Variants in MYCT1 observed in about 807,000 individuals in gnomAD.
MYCT1 encodes MYC target 1.
MYCT1 carries 12 observed loss-of-function variants against 15.0 expected under a neutral mutation model. The observed-to-expected ratio is 0.80, with a 90% confidence interval of 0.51 to 1.29. MYCT1 has a LOEUF of 1.29. Ranked by LOEUF, MYCT1 falls within the 50% of genes most tolerant of loss-of-function variation. The pLI is 0.00. For missense variants in MYCT1, 287 were observed against 279.1 expected (o/e 1.03, Z -0.20); for synonymous variants, 104 against 102.7 (o/e 1.01, Z -0.07).
the MYCT1 span, among the ~76,000 whole-genome samples, chr6:152,738,748 A>G: frequency 1.3e-5 from 2 of 152,146 alleles, no homozygotes; most frequent in East Asian, 1.9e-4. Context: ...ACATTTAGCT[A>G]CCATTTGTTG....
the MYCT1 span, among the ~76,000 whole-genome samples, chr6:152,730,434 G>A: frequency 3.3e-5 from 5 of 152,302 alleles, no homozygotes; most frequent in African/African-American, 4.8e-5. Flanking sequence ...ATTGTACTCC[G>A]CACAATTTTT....
intron 1 of MYCT1, among the ~76,000 whole-genome samples, chr6:152,717,502 A>T (rs1325826972): frequency 1.3e-5 from 2 of 152,012 alleles, no homozygotes; most frequent in African/African-American, 4.8e-5. Flanking sequence ...GGGGGCAGGA[A>T]TTTCCTGTGC....
the MYCT1 span, among the ~76,000 whole-genome samples, chr6:152,742,902 T>C: frequency 1.3e-5 from 2 of 152,182 alleles, no homozygotes; most frequent in Non-Finnish European, 2.9e-5. Flanking sequence ...TCTCATTTCC[T>C]TAGTAAGAAA....
At chr6:152,719,949 GC>G (rs1371398486) in intron 1 of MYCT1, among the ~76,000 whole-genome samples, 1 of 152,108 alleles carries the variant, frequency 6.6e-6, no homozygotes, top group African/African-American at 2.4e-5. Flanking sequence ...GAGAGCTTTT[GC>G]CATGTAACAA....
intron 1 of MYCT1, among the ~76,000 whole-genome samples, chr6:152,706,824 C>T (rs1169453935): frequency 2.7e-5 from 4 of 149,334 alleles, no homozygotes; most frequent in African/African-American, 1.0e-4. Flanking sequence ...TGAAATATAA[C>T]ATTTCCATTA....
chr6:152,726,737 C>T (rs938831741), downstream of MYCT1, among the ~76,000 whole-genome samples: 7 of 152,062 alleles, frequency 4.6e-5, no homozygotes, highest in Admixed American at 1.3e-4. Context: ...TTTATCTATG[C>T]GGTCTCTGTG....
Position 152,724,202 on chromosome 6 carries a change from T to C in MYCT1, c.*1949T>C, listed in dbSNP as rs2099725200. 1.3e-5 allele frequency: 2 copies of C among 150,504 alleles called. No homozygotes were observed. Among genetic ancestry groups the C allele is most frequent in the Non-Finnish European group, 1.5e-5 (1 of 67,820 alleles). The allele number at this position is 150,504 out of a possible 1,614,324, so 9.3% of individuals were successfully genotyped here. On this transcript the variant is annotated 3_prime_UTR_variant, in exon 2 of 2. Transcript: ENST00000367245. ...AGAAATTTAGCAGCCAAGTAAGGTT[T>C]CAAGGGAATATTAACTTGGTATCAG...
chr6:152,716,537 G>A (rs1020056699), intron 1 of MYCT1, among the ~76,000 whole-genome samples: 2 of 152,098 alleles, frequency 1.3e-5, no homozygotes, highest in African/African-American at 4.8e-5. Flanking sequence ...TTTAATACCA[G>A]TGGATGGAAT....
At chr6:152,746,713 C>T in the MYCT1 span, among the ~76,000 whole-genome samples, 1 of 152,182 alleles carries the variant, frequency 6.6e-6, no homozygotes, top group African/African-American at 2.4e-5. Flanking sequence ...CTATACCCTT[C>T]TTTTTGAAAT....
the MYCT1 span, among the ~76,000 whole-genome samples, chr6:152,731,796 G>A: frequency 6.7e-6 from 1 of 148,886 alleles, no homozygotes; most frequent in Non-Finnish European, 1.5e-5. Context: ...TGTCCAGGCT[G>A]GAGTGCAGTG....
chr6:152,728,827 G>A (rs2099726093), downstream of MYCT1, among the ~76,000 whole-genome samples: 1 of 152,132 alleles, frequency 6.6e-6, no homozygotes, highest in African/African-American at 2.4e-5. Flanking sequence ...CATAGCTTGA[G>A]CCCAGGGGGT....
chr6:152,744,552 G>A, the MYCT1 span, among the ~76,000 whole-genome samples: 25 of 152,306 alleles, frequency 1.6e-4, no homozygotes, highest in African/African-American at 5.8e-4. Context: ...ATGAGCCTCA[G>A]CAGGGAGCCG....
At chr6:152,744,046 C>A in the MYCT1 span, among the ~76,000 whole-genome samples, 3 of 152,278 alleles carry the variant, frequency 2.0e-5, no homozygotes, top group Non-Finnish European at 4.4e-5. Flanking sequence ...CTTCCCAAGG[C>A]TACTCTACAC....
At chr6:152,743,699 C>G in the MYCT1 span, among the ~76,000 whole-genome samples, 4 of 152,172 alleles carry the variant, frequency 2.6e-5, no homozygotes, top group Admixed American at 6.5e-5. Context: ...GTCCAGATCT[C>G]AGCTCCGCTA....
chr6:152,705,050 ACTT>A (rs756316322), intron 1 of MYCT1, among the ~76,000 whole-genome samples: 1 of 152,066 alleles, frequency 6.6e-6, no homozygotes, highest in Admixed American at 6.6e-5. Flanking sequence ...TGCTTTTATA[ACTT>A]CTTCTTTTTT....
At chr6:152,709,149 G>A (rs1301446714) in intron 1 of MYCT1, among the ~76,000 whole-genome samples, 1 of 18,146 alleles carries the variant, frequency 5.5e-5, no homozygotes, top group Non-Finnish European at 1.3e-4. Context: ...TGAGAATGAT[G>A]GTTTCCAATT....
chr6:152,731,825 G>A, the MYCT1 span, among the ~76,000 whole-genome samples: 1 of 149,898 alleles, frequency 6.7e-6, no homozygotes, highest in South Asian at 2.1e-4. Context: ...TCAGCTCGCT[G>A]CTACCTCTGC....
rs561261444 is a variant in MYCT1 at position 152,717,786 on chromosome 6, T to C, written c.197-3956T>C. ...TCTAAAGTGTGTATTTTACTGACTT[T>C]ATGGATTAAGAAGTCGTTTTCATGA... is the stretch of plus-strand genomic sequence containing the variant. On this transcript the variant is annotated intron_variant, in intron 1 of 1. Transcript: ENST00000367245. Among the ~76,000 whole-genome samples the C allele has an allele frequency of 2.6e-5, 4 of 152,296 alleles. No individual in the cohort carries two copies. The South Asian group carries it at 8.3e-4, about 32-fold the overall frequency.
the MYCT1 span, among the ~76,000 whole-genome samples, chr6:152,744,531 G>A: frequency 6.6e-6 from 1 of 152,196 alleles, no homozygotes; most frequent in Non-Finnish European, 1.5e-5. Flanking sequence ...GAGGTAGCGA[G>A]TAATCCATGA....
Sources: gnomAD v4.1 joint callset for allele counts (sites outside exome capture counted in the v4.1 genomes callset) on GRCh38, gnomAD v4.1.1 for gene constraint, MANE v1.5 for transcripts, NCBI Gene and HGNC (gene_info 2026-07-23, HGNC 2026-07-21) for gene names.